The following ATP2C1 variants were observed in gnomAD, a reference collection of about 807,000 sequenced individuals.
ATP2C1 encodes calcium-transporting ATPase type 2C member 1.
In ATP2C1, 31 loss-of-function variants were observed where a neutral mutation model predicts 120.5. That is an observed-to-expected ratio of 0.26 (90% CI 0.19 to 0.35). ATP2C1 has a LOEUF of 0.35. ATP2C1 is among the 10% of genes least tolerant of loss of function. ATP2C1 has a pLI of 1.00. For synonymous variants in ATP2C1, 351 were observed against 358.7 expected, an observed-to-expected ratio of 0.98 and a Z score of 0.24; for missense variants, 731 against 1,107.5, an observed-to-expected ratio of 0.66 and a Z score of 4.83.
chr3:131,011,182 T>C (rs964454207), intron 26 of ATP2C1, among the ~76,000 whole-genome samples: 1 of 152,190 alleles, frequency 6.6e-6, no homozygotes, highest in African/African-American at 2.4e-5. Context: ...TCTTTCCCCA[T>C]GATCAAATGG....
upstream of ATP2C1, among the ~76,000 whole-genome samples, chr3:130,893,787 C>A (rs769835930): frequency 6.6e-6 from 1 of 152,176 alleles, no homozygotes; most frequent in South Asian, 2.1e-4. Context: ...TGCATATAAA[C>A]GGGCGGACAC....
chr3:131,002,581 A>T lies in ATP2C1; in HGVS notation c.*1231A>T, dbSNP rs190081792. ...TTTTTATGAAAGCTTGATGAGGTATAGGTCATTTGTTTTGAGTATGTGGGC... is the reference window on the plus strand; with the variant it reads ...TTTTTATGAAAGCTTGATGAGGTATTGGTCATTTGTTTTGAGTATGTGGGC... On this transcript the variant is annotated 3_prime_UTR_variant, in exon 28 of 28. Transcript: ENST00000510168. The T allele has an allele frequency of 1.0e-6, 1 of 985,452 alleles. No homozygotes were observed. The highest frequency in any genetic ancestry group is 1.1e-4 in the East Asian group (1 of 8,820). 61.0% of individuals were successfully genotyped at this position (985,452 alleles called of 1,614,324 possible).
chr3:130,936,864 A>G (rs189676829), intron 5 of ATP2C1, among the ~76,000 whole-genome samples: 5 of 151,680 alleles, frequency 3.3e-5, no homozygotes, highest in Admixed American at 2.6e-4. Context: ...TAAAAAAGAA[A>G]AAATGCTCCT....
chr3:130,862,658 G>T (rs1463962028), intron 1 of ATP2C1, among the ~76,000 whole-genome samples: 3 of 152,190 alleles, frequency 2.0e-5, no homozygotes, highest in Non-Finnish European at 4.4e-5. Flanking sequence ...TTTATATGAA[G>T]ATTTCAGCCC....
downstream of ATP2C1, chr3:131,003,167 A>C: frequency 4.1e-6 from 4 of 981,222 alleles, no homozygotes; most frequent in Non-Finnish European, 4.8e-6. Flanking sequence ...CCCAGTGGGG[A>C]CTATTAGCAT....
intron 24 of ATP2C1, among the ~76,000 whole-genome samples, chr3:130,997,155 T>G (rs922371551): frequency 6.6e-6 from 1 of 152,096 alleles, no homozygotes; most frequent in African/African-American, 2.4e-5. Context: ...TTTAGAGACT[T>G]TGGGAAAGTA....
At chr3:130,999,967 T>G (rs1298580706) in intron 27 of ATP2C1, among the ~76,000 whole-genome samples, 1 of 152,316 alleles carries the variant, frequency 6.6e-6, no homozygotes, top group East Asian at 1.9e-4. Flanking sequence ...CCATCTTGTA[T>G]GAAGAGAAAA....
rs756984013 is a variant in ATP2C1 at position 130,965,007 on chromosome 3, G to A, written c.1084G>A (p.Val362Ile). ...TGTLTKNEMT[V>I]THIFTSDGLH... ...AACACTGACGAAGAATGAAATGACT[G>A]TTACTCACATATTTACTTCAGATGG... The change falls in exon 14 of 28, where the codon GTT (valine) becomes ATT (isoleucine). Residue 362 changes from valine to isoleucine, a missense_variant. Physicochemically the swap from Val to Ile is conservative, Grantham distance 29 (BLOSUM62 3). Transcript: ENST00000510168. The A allele has an allele frequency of 6.2e-7, 1 of 1,611,896 alleles. No homozygotes were observed. Among genetic ancestry groups the A allele is most frequent in the Non-Finnish European group, 8.5e-7 (1 of 1,178,530 alleles).
intron 8 of ATP2C1, among the ~76,000 whole-genome samples, chr3:130,950,160 A>G (rs916905592): frequency 1.3e-5 from 2 of 152,078 alleles, no homozygotes; most frequent in South Asian, 2.1e-4. Context: ...GAATTTTCCA[A>G]TCATTTTTAT....
rs2062916086 is a variant in ATP2C1, at chr3:131,002,130, T to G, written c.*780T>G. 1 of 984,618 alleles carries G rather than the reference T, an allele frequency of 1.0e-6. No homozygotes were observed. Among genetic ancestry groups the G allele is most frequent in the Non-Finnish European group, 1.2e-6 (1 of 829,272 alleles). 61.0% of individuals were successfully genotyped at this position (984,618 alleles called of 1,614,324 possible). A position where few individuals can be genotyped will look rare whatever the true frequency, so the allele number is the denominator to read the frequency against. On this transcript the variant is annotated 3_prime_UTR_variant, in exon 28 of 28. Transcript: ENST00000510168. ...CGCTTAGTCATAGAGTCAAAAACAT[T>G]TAAGACTGATTGGGTTGAAGTTTAT...
intron 1 of ATP2C1, among the ~76,000 whole-genome samples, chr3:130,881,858 C>T (rs977327658): frequency 2.6e-5 from 4 of 152,064 alleles, no homozygotes; most frequent in Admixed American, 6.6e-5. Flanking sequence ...TCATATTGTA[C>T]TCTGTTGGCA....
intron 20 of ATP2C1, among the ~76,000 whole-genome samples, chr3:130,983,911 T>C (rs1287939857): frequency 6.6e-6 from 1 of 152,218 alleles, no homozygotes; most frequent in Non-Finnish European, 1.5e-5. Flanking sequence ...ACTTCACCTT[T>C]TGAAGGGCAT....
chr3:130,885,058 G>C (rs1295396483), intron 1 of ATP2C1, among the ~76,000 whole-genome samples: 2 of 151,168 alleles, frequency 1.3e-5, no homozygotes, highest in Admixed American at 1.3e-4. Flanking sequence ...CTCAGCCTCT[G>C]GAGTAGCTGG....
At chr3:130,879,555 C>T (rs62280758) in intron 1 of ATP2C1, among the ~76,000 whole-genome samples, 15,288 of 152,048 alleles carry the variant, frequency 0.1, 881 homozygotes, top group Non-Finnish European at 0.13. Context: ...TTTTGGTATT[C>T]TGCTACTGAA....
At chr3:131,008,166 G>T (rs916524900) in intron 26 of ATP2C1, among the ~76,000 whole-genome samples, 1 of 152,110 alleles carries the variant, frequency 6.6e-6, no homozygotes, top group Non-Finnish European at 1.5e-5. Flanking sequence ...GGCCAGGCAT[G>T]GTGACTCACA....
chr3:130,899,346 G>A (rs1021198168), intron 2 of ATP2C1: 4 of 152,050 alleles, frequency 2.6e-5, no homozygotes, highest in Non-Finnish European at 4.4e-5. Flanking sequence ...CACATACTTT[G>A]TATGCTATAT....
At chr3:130,938,616 A>C (rs2059769192) in intron 6 of ATP2C1, among the ~76,000 whole-genome samples, 1 of 152,158 alleles carries the variant, frequency 6.6e-6, no homozygotes, top group Non-Finnish European at 1.5e-5. Flanking sequence ...CTTTTAGGGG[A>C]ATCTTCTTGC....
At position 130,956,944 on chromosome 3, in the gene ATP2C1, T is replaced by C. The variant is rs572457950; in HGVS notation, c.832+765T>C. Among the ~76,000 whole-genome samples, 17 of 152,298 alleles carry C rather than the reference T, an allele frequency of 1.1e-4. No homozygotes were observed. In the East Asian group the frequency reaches 3.3e-3, roughly 29 times the overall value. ...GCTTTTTATATGACTAGATTATCAA[T>C]CTTTTTGTTGTATAAGTTTTTTTTT... On this transcript the variant is annotated intron_variant, in intron 11 of 27. Coordinates refer to ENST00000510168, the MANE Select transcript of ATP2C1 (RefSeq NM_001378687.1).
intron 2 of ATP2C1, among the ~76,000 whole-genome samples, chr3:130,902,284 G>GTTTTTTTTTTTTTTTTTTTTTTT (rs1157956407): frequency 3.1e-5 from 2 of 65,504 alleles, no homozygotes; most frequent in African/African-American, 1.1e-4. Context: ...AAGGCTTCAC[G>GTTTTTTTTTTTTTTTTTTTTTTT]TTTTTTTTTT....
Sources: allele counts gnomAD v4.1 joint callset (sites outside exome capture counted in the v4.1 genomes callset), GRCh38; gene constraint gnomAD v4.1.1; transcripts MANE v1.5; gene names NCBI Gene and HGNC (gene_info 2026-07-23, HGNC 2026-07-21).